GSDMC: variants seen among roughly 807,000 people sequenced by gnomAD.
GSDMC encodes the protein gasdermin-C.
Under a neutral mutation model 58.0 loss-of-function variants are expected in GSDMC, and 59 were observed. The ratio of observed to expected loss-of-function variants is 1.02; its 90% CI spans 0.82 to 1.26. The LOEUF (loss-of-function observed/expected upper bound fraction) is 1.26. Ranked by LOEUF, GSDMC falls within the 50% of genes most tolerant of loss-of-function variation. The probability of loss-of-function intolerance (pLI) is 0.00; values close to 1 mark genes in which losing one functional copy is unlikely to be tolerated. For missense variants in GSDMC, 659 were observed against 598.5 expected, an observed-to-expected ratio of 1.10 and a Z score of -1.06; for synonymous variants, 241 against 220.2, an observed-to-expected ratio of 1.09 and a Z score of -0.83.
intron 3 of GSDMC, among the ~76,000 whole-genome samples, chr8:129,768,857 A>T (rs2033954814): frequency 6.6e-6 from 1 of 152,214 alleles, no homozygotes; most frequent in South Asian, 2.1e-4. Flanking sequence ...AGGTTGGAGG[A>T]TCACTTGTGT....
At chr8:129,736,324 C>A in the GSDMC span, among the ~76,000 whole-genome samples, 1 of 152,082 alleles carries the variant, frequency 6.6e-6, no homozygotes, top group East Asian at 1.9e-4. Flanking sequence ...AAGCCTGGCA[C>A]AGATGCAACA....
the GSDMC span, among the ~76,000 whole-genome samples, chr8:129,733,921 A>C: frequency 6.6e-6 from 1 of 152,154 alleles, no homozygotes. Context: ...GAAGCTAAAA[A>C]CCTTGAAAAA....
chr8:129,776,752 G>A (rs1341086663), intron 2 of GSDMC, among the ~76,000 whole-genome samples: 1 of 151,754 alleles, frequency 6.6e-6, no homozygotes, highest in African/African-American at 2.4e-5. Context: ...TGTTGTTGTT[G>A]TTGTTGTTTT....
In GSDMC at chr8:129,777,596, G is replaced by C. The variant is rs1016025909; in HGVS notation, c.-4-5C>G. 4.0e-6 allele frequency: 6 copies of C among 1,510,904 alleles called. No homozygotes were observed. The highest frequency in any genetic ancestry group is 1.7e-5 in the Admixed American group (1 of 59,904). 93.6% of individuals were successfully genotyped at this position (1,510,904 alleles called of 1,614,324 possible). A position where few individuals can be genotyped will look rare whatever the true frequency, so the allele number is the denominator to read the frequency against. ...TCCAACATGGAGGGCATGTTGCTAG[G>C]AGGAGATGAAAGGAGAGCATCAGTT... On this transcript the variant is annotated splice_polypyrimidine_tract_variant and splice_region_variant and intron_variant, in intron 1 of 13. Transcript: ENST00000276708.
intron 3 of GSDMC, among the ~76,000 whole-genome samples, chr8:129,775,682 CAA>C (rs1353432178): frequency 6.6e-6 from 1 of 152,024 alleles, no homozygotes; most frequent in African/African-American, 2.4e-5. Context: ...AAATAAATCC[CAA>C]GACAGCAATG....
the GSDMC span, among the ~76,000 whole-genome samples, chr8:129,728,564 CACCTCCCCCCAG>C: frequency 6.6e-6 from 1 of 152,210 alleles, no homozygotes; most frequent in East Asian, 1.9e-4. Flanking sequence ...CAATGAGCAC[CACCTCCCCCCAG>C]GGGCTAAGCA....
chr8:129,760,514 A>G, intron 6 of GSDMC, 31 bp downstream of exon 6: 1 of 1,439,558 alleles, frequency 6.9e-7, no homozygotes, highest in Non-Finnish European at 9.7e-7. Context: ...ATAAAAATAA[A>G]AAAATAAAAA....
the GSDMC span, among the ~76,000 whole-genome samples, chr8:129,734,444 CA>C: frequency 6.6e-6 from 1 of 152,176 alleles, no homozygotes. Context: ...AGGTTACCCA[CA>C]AAAGGAAGTC....
chr8:129,766,312 G>A (rs2033858170), intron 3 of GSDMC, among the ~76,000 whole-genome samples: 1 of 152,130 alleles, frequency 6.6e-6, no homozygotes, highest in Non-Finnish European at 1.5e-5. Context: ...GGATTGGTAG[G>A]GCTGACTTGA....
intron 1 of GSDMC, among the ~76,000 whole-genome samples, chr8:129,780,320 A>G (rs141876442): frequency 0.014 from 2,168 of 152,284 alleles, 60 homozygotes; most frequent in African/African-American, 0.049. Context: ...GATTTAAGCC[A>G]AAGAAGACTA....
chr8:129,756,361 C>A (rs1008672612), intron 6 of GSDMC, among the ~76,000 whole-genome samples: 1 of 151,660 alleles, frequency 6.6e-6, no homozygotes, highest in African/African-American at 2.4e-5. Flanking sequence ...ATATATAAAG[C>A]AAATATTATT....
At chr8:129,715,387 C>A in the GSDMC span, among the ~76,000 whole-genome samples, 1 of 152,030 alleles carries the variant, frequency 6.6e-6, no homozygotes, top group African/African-American at 2.4e-5. Flanking sequence ...TATCCAGCAT[C>A]AAACAGGGTA....
At chr8:129,706,918 T>C in the GSDMC span, 1 of 152,216 alleles carries the variant, frequency 6.6e-6, no homozygotes, top group Non-Finnish European at 1.5e-5. Context: ...TTATTAAACG[T>C]TTATGGAGCA....
chr8:129,751,928 C>G (rs756284902), intron 8 of GSDMC, 37 bp from the exon 9 acceptor site: 1 of 1,599,048 alleles, frequency 6.3e-7, no homozygotes, highest in South Asian at 1.1e-5. Flanking sequence ...CAAAGAGGCT[C>G]AAAGACTAGA....
At chr8:129,760,177 A>T (rs2033602640) in intron 6 of GSDMC, among the ~76,000 whole-genome samples, 1 of 152,186 alleles carries the variant, frequency 6.6e-6, no homozygotes, top group Non-Finnish European at 1.5e-5. Context: ...AGTTGAACAC[A>T]TACAGATATA....
At chr8:129,710,317 T>C in the GSDMC span, among the ~76,000 whole-genome samples, 4 of 152,230 alleles carry the variant, frequency 2.6e-5, no homozygotes, top group South Asian at 6.2e-4. Context: ...CAAAACTTGC[T>C]GGACTGAACT....
chr8:129,727,548 G>A, the GSDMC span, among the ~76,000 whole-genome samples: 1 of 152,200 alleles, frequency 6.6e-6, no homozygotes, highest in South Asian at 2.1e-4. Flanking sequence ...AGAGCACTTT[G>A]TTTCTCTCAA....
the GSDMC span, among the ~76,000 whole-genome samples, chr8:129,733,417 A>G: frequency 6.6e-6 from 1 of 152,288 alleles, no homozygotes; most frequent in Admixed American, 6.5e-5. Flanking sequence ...AGTAGGGGCC[A>G]ACTAACACCT....
chr8:129,712,501 G>A, the GSDMC span, among the ~76,000 whole-genome samples: 1 of 152,080 alleles, frequency 6.6e-6, no homozygotes, highest in Non-Finnish European at 1.5e-5. Flanking sequence ...AGAAAACAGG[G>A]GCAAGTTGTA....
Sources: allele counts gnomAD v4.1 joint callset (sites outside exome capture counted in the v4.1 genomes callset), GRCh38; gene constraint gnomAD v4.1.1; transcripts MANE v1.5; gene names NCBI Gene and HGNC (gene_info 2026-07-23, HGNC 2026-07-21).